The following UBE2E2 variants were observed in gnomAD, a reference collection of about 807,000 sequenced individuals.
UBE2E2 encodes ubiquitin conjugating enzyme E2 E2, also known as ubiquitin-conjugating enzyme E2 E2.
Under a neutral mutation model 24.7 loss-of-function variants are expected in UBE2E2, and 6 were observed. That is an observed-to-expected ratio of 0.24 (90% CI 0.13 to 0.48). The LOEUF is 0.48. Ranked by LOEUF, UBE2E2 falls within the 20% of genes least tolerant of loss-of-function variation. The pLI, the probability that UBE2E2 is intolerant of heterozygous loss-of-function variation, is 0.99. For synonymous variants in UBE2E2, 104 were observed against 83.6 expected (o/e 1.24, Z -1.33); for missense variants, 169 against 245.0 (o/e 0.69, Z 2.07).
intron 3 of UBE2E2, among the ~76,000 whole-genome samples, chr3:23,432,880 T>C (rs1343871261): frequency 1.3e-5 from 2 of 151,982 alleles, no homozygotes; most frequent in South Asian, 4.2e-4. Context: ...ATAATAGATG[T>C]TAATATTAAT....
At chr3:23,516,173 GAAC>G (rs887433742) in intron 4 of UBE2E2, among the ~76,000 whole-genome samples, 2 of 152,146 alleles carry the variant, frequency 1.3e-5, no homozygotes, top group African/African-American at 4.8e-5. Flanking sequence ...CATAGTTTAA[GAAC>G]AACTTTTTTC....
chr3:23,287,041 A>G (rs1027441880), intron 3 of UBE2E2, among the ~76,000 whole-genome samples: 1 of 152,144 alleles, frequency 6.6e-6, no homozygotes, highest in African/African-American at 2.4e-5. Context: ...GTTTTTCCCC[A>G]TTCAGTATGA....
intron 4 of UBE2E2, among the ~76,000 whole-genome samples, chr3:23,500,669 C>T (rs886852395): frequency 1.3e-5 from 2 of 152,202 alleles, no homozygotes; most frequent in Admixed American, 6.5e-5. Flanking sequence ...TAAGACTAGA[C>T]GTTCACCATG....
At chr3:23,539,474 T>A (rs6799234) in intron 5 of UBE2E2, among the ~76,000 whole-genome samples, 50,333 of 152,024 alleles carry the variant, frequency 0.33, 8,863 homozygotes, top group East Asian at 0.51. Flanking sequence ...CTTATCTAAC[T>A]AAAAGGGCCT....
intron 4 of UBE2E2, among the ~76,000 whole-genome samples, chr3:23,521,336 A>T (rs187428643): frequency 1.3e-5 from 2 of 152,234 alleles, no homozygotes; most frequent in African/African-American, 4.8e-5. Context: ...TGATATGGTC[A>T]GTCATTTATT....
intron 3 of UBE2E2, among the ~76,000 whole-genome samples, chr3:23,298,733 A>T (rs1044123904): frequency 4.4e-4 from 67 of 151,914 alleles, no homozygotes; most frequent in Non-Finnish European, 9.6e-4. Flanking sequence ...CATCAAGGAT[A>T]TTGGTCTAAA....
chr3:23,530,454 C>T (rs2125483504), intron 4 of UBE2E2, among the ~76,000 whole-genome samples: 1 of 152,208 alleles, frequency 6.6e-6, no homozygotes, highest in South Asian at 2.1e-4. Context: ...TTACTGTTTT[C>T]TTGATGAGTT....
intron 3 of UBE2E2, among the ~76,000 whole-genome samples, chr3:23,348,444 T>G (rs1035833275): frequency 7.0e-4 from 106 of 152,188 alleles, no homozygotes; most frequent in African/African-American, 2.5e-3. Context: ...GAAAGTAGAT[T>G]TTTTTCTTTT....
intron 3 of UBE2E2, among the ~76,000 whole-genome samples, chr3:23,362,887 G>GAGAGA (rs1330745098): frequency 6.6e-6 from 1 of 152,082 alleles, no homozygotes; most frequent in East Asian, 1.9e-4. Context: ...AAAGTGTCTA[G>GAGAGA]AGAGAAGGGG....
chr3:23,504,524 A>G (rs573953937), intron 4 of UBE2E2, among the ~76,000 whole-genome samples: 1 of 152,204 alleles, frequency 6.6e-6, no homozygotes, highest in Non-Finnish European at 1.5e-5. Flanking sequence ...ATCGTGCTCC[A>G]GAAAAATTCT....
intron 3 of UBE2E2, among the ~76,000 whole-genome samples, chr3:23,306,556 A>C (rs1349102892): frequency 1.3e-5 from 2 of 152,348 alleles, no homozygotes; most frequent in East Asian, 3.9e-4. Flanking sequence ...CAAAACAAAG[A>C]GGTAAATAAA....
At chr3:23,225,374 T>C (rs1696791820) in intron 3 of UBE2E2, among the ~76,000 whole-genome samples, 1 of 152,176 alleles carries the variant, frequency 6.6e-6, no homozygotes, top group Non-Finnish European at 1.5e-5. Context: ...CATTGCCTAA[T>C]CCAAGACCAC....
chr3:23,208,319 A>G (rs1195065097), intron 1 of UBE2E2, among the ~76,000 whole-genome samples: 1 of 152,160 alleles, frequency 6.6e-6, no homozygotes. Flanking sequence ...AGGTTCATCC[A>G]TTTTGTAGCA....
intron 3 of UBE2E2, among the ~76,000 whole-genome samples, chr3:23,448,715 C>T (rs1005029338): frequency 6.6e-6 from 1 of 151,838 alleles, no homozygotes; most frequent in Non-Finnish European, 1.5e-5. Context: ...TTTCTTTATC[C>T]TCATCTTTCT....
intron 3 of UBE2E2, among the ~76,000 whole-genome samples, chr3:23,239,000 T>C (rs1258344609): frequency 6.6e-6 from 1 of 152,214 alleles, no homozygotes; most frequent in Non-Finnish European, 1.5e-5. Flanking sequence ...CATGCCTTTT[T>C]GGAACATGCG....
chr3:23,529,744 A>G (rs1298386345), intron 4 of UBE2E2, among the ~76,000 whole-genome samples: 1 of 152,230 alleles, frequency 6.6e-6, no homozygotes, highest in Non-Finnish European at 1.5e-5. Context: ...ACTTAAAGGG[A>G]TAGGCACTCT....
chr3:23,442,892 T>A (rs1234289495), intron 3 of UBE2E2, among the ~76,000 whole-genome samples: 1 of 152,248 alleles, frequency 6.6e-6, no homozygotes, highest in Non-Finnish European at 1.5e-5. Flanking sequence ...TTGCAGTATG[T>A]ATTATTTAAT....
intron 3 of UBE2E2, among the ~76,000 whole-genome samples, chr3:23,338,264 T>G (rs940881483): frequency 2.0e-5 from 3 of 152,154 alleles, no homozygotes; most frequent in African/African-American, 7.2e-5. Context: ...AACAACTTTA[T>G]GTGTAGTTTA....
chr3:23,532,799 C>T (rs1695153721), intron 5 of UBE2E2, 98 bp downstream of exon 5: 1 of 1,080,122 alleles, frequency 9.3e-7, no homozygotes, highest in Non-Finnish European at 1.3e-6. Flanking sequence ...ACTACCACCA[C>T]TGCTTCTACT....
Sources: gnomAD v4.1 joint callset for allele counts (sites outside exome capture counted in the v4.1 genomes callset) on GRCh38, gnomAD v4.1.1 for gene constraint, MANE v1.5 for transcripts, NCBI Gene and HGNC (gene_info 2026-07-23, HGNC 2026-07-21) for gene names.